The following PLCG1 variants were observed in gnomAD, a reference collection of about 807,000 sequenced individuals.
PLCG1 encodes phospholipase C gamma 1, also known as 1-phosphatidylinositol 4,5-bisphosphate phosphodiesterase gamma-1.
PLCG1 carries 71 observed loss-of-function variants against 177.8 expected under a neutral mutation model. The ratio of observed to expected loss-of-function variants is 0.40; its 90% CI spans 0.33 to 0.49. The LOEUF (loss-of-function observed/expected upper bound fraction) is 0.49. Ranked by LOEUF, PLCG1 falls within the 20% of genes least tolerant of loss-of-function variation. PLCG1 has a pLI of 0.72. For missense variants in PLCG1, 1,281 were observed against 1,709.0 expected (o/e 0.75, Z 4.42); for synonymous variants, 658 against 647.9 (o/e 1.02, Z -0.24).
chr20:41,160,922 T>C lies in PLCG1; in HGVS notation c.512+769T>C, dbSNP rs1600656076. ...GGGACTAGCCCATTTGGAGGGAAGC[T>C]TGGGTTCAGTTCGAGGCATGTTAAG... is the stretch of plus-strand genomic sequence containing the variant. On this transcript the variant is annotated intron_variant, in intron 4 of 31. Transcript: ENST00000685551. The surrounding 1 kb of genome is among the most constrained non-coding windows in gnomAD (Gnocchi z 5.5). Among the ~76,000 whole-genome samples, 1 of 152,178 alleles carries C rather than the reference T, an allele frequency of 6.6e-6. No homozygotes were observed. Among genetic ancestry groups the C allele is most frequent in the East Asian group, 1.9e-4 (1 of 5,196 alleles).
chr20:41,147,204 G>A lies in PLCG1; in HGVS notation c.217+9346G>A, dbSNP rs1016977770. Among the ~76,000 whole-genome samples, 3 of 152,212 alleles carry A rather than the reference G, an allele frequency of 2.0e-5. No individual in the cohort carries two copies. Among genetic ancestry groups the A allele is most frequent in the African/African-American group, 7.2e-5 (3 of 41,450 alleles). ...TAGCTTGTCCATCCTAACTGGGACT[G>A]TGGCCTTTTCTTGGGCGTTCTTAGC... On this transcript the variant is annotated intron_variant, in intron 1 of 31. Coordinates refer to ENST00000685551, the MANE Select transcript of PLCG1 (RefSeq NM_002660.3). The surrounding 1 kb of genome is among the most constrained non-coding windows in gnomAD (Gnocchi z 4.0).
chr20:41,160,991 G>A lies in PLCG1; in HGVS notation c.512+838G>A, dbSNP rs1226556716. 6.6e-6 allele frequency among the ~76,000 whole-genome samples: 1 copy of A among 152,156 alleles called. No individual in the cohort carries two copies. The highest frequency in any genetic ancestry group is 1.5e-5 in the Non-Finnish European group (1 of 68,022). ...CTGTCCAGGGAGAGATGTTGAGTAG[G>A]CAGGTGGTTAGAGTGAGTTTAGGTA... On this transcript the variant is annotated intron_variant, in intron 4 of 31. Coordinates refer to ENST00000685551, the MANE Select transcript of PLCG1 (RefSeq NM_002660.3). This position sits in a 1 kb window ranked among gnomAD's most constrained non-coding sequence, Gnocchi z 5.5.
chr20:41,163,536 C>A lies in PLCG1; in HGVS notation c.891+57C>A. The stretch of plus-strand genomic sequence containing the variant: ...AGAGAATGAGTAGGGGTGACCAGGA[C>A]CCCACCCGGGCTCCAGGAGCTAGAC... On this transcript the variant is annotated intron_variant, in intron 9 of 31. Coordinates refer to ENST00000685551, the MANE Select transcript of PLCG1 (RefSeq NM_002660.3). The surrounding 1 kb of genome is among the most constrained non-coding windows in gnomAD (Gnocchi z 5.2). The A allele has an allele frequency of 7.6e-7, 1 of 1,311,990 alleles. No individual in the cohort carries two copies. Among genetic ancestry groups the A allele is most frequent in the Non-Finnish European group, 1.1e-6 (1 of 909,314 alleles). 81.3% of individuals were successfully genotyped at this position (1,311,990 alleles called of 1,614,324 possible).
intron 1 of PLCG1, among the ~76,000 whole-genome samples, chr20:41,155,930 T>C (rs1032382364): frequency 6.6e-6 from 1 of 152,170 alleles, no homozygotes; most frequent in Non-Finnish European, 1.5e-5. Context: ...AAGAGCTGTG[T>C]GGTTCTCCTC....
intron 1 of PLCG1, among the ~76,000 whole-genome samples, chr20:41,141,765 G>A (rs1389563942): frequency 6.6e-6 from 1 of 152,214 alleles, no homozygotes; most frequent in Non-Finnish European, 1.5e-5. Flanking sequence ...CCGCCCAGCT[G>A]GGATCCTCTG....
rs1228845454 is a variant in PLCG1 at position 41,148,508 on chromosome 20, A to G, written c.217+10650A>G. Among the ~76,000 whole-genome samples, 1 of 152,008 alleles carries G rather than the reference A, an allele frequency of 6.6e-6. No homozygotes were observed. The highest frequency in any genetic ancestry group is 2.4e-5 in the African/African-American group (1 of 41,364). On this transcript the variant is annotated intron_variant, in intron 1 of 31. Coordinates refer to ENST00000685551, the MANE Select transcript of PLCG1 (RefSeq NM_002660.3). This position sits in a 1 kb window ranked among gnomAD's most constrained non-coding sequence, Gnocchi z 4.3. ...GGGCAGCAGAGAGAGACTTGGAGAT[A>G]TGCTGGGCTGTGGTCAGGAGGGCCT...
chr20:41,137,589 C>G lies in PLCG1; in HGVS notation c.-53C>G. ...CCCAACCTCAGCCGCCGCCGTTGCG[C>G]TTGCTCCCGGGCGGTCCTGGCCTGT... On this transcript the variant is annotated 5_prime_UTR_variant, in exon 1 of 32. Transcript: ENST00000685551. The surrounding 1 kb of genome is among the most constrained non-coding windows in gnomAD (Gnocchi z 7.3). 1.7e-6 allele frequency: 2 copies of G among 1,145,438 alleles called. No individual in the cohort carries two copies. Among genetic ancestry groups the G allele is most frequent in the Non-Finnish European group, 2.2e-6 (2 of 898,722 alleles). 71.0% of individuals were successfully genotyped at this position (1,145,438 alleles called of 1,614,324 possible). A position where few individuals can be genotyped will look rare whatever the true frequency, so the allele number is the denominator to read the frequency against.
At chr20:41,145,891 C>G (rs970539124) in intron 1 of PLCG1, among the ~76,000 whole-genome samples, 13 of 152,166 alleles carry the variant, frequency 8.5e-5, no homozygotes, top group African/African-American at 3.1e-4. Context: ...AGACTAGTTC[C>G]TTTTGAGGTG....
At chr20:41,161,992 AG>A (rs1306018047) in intron 4 of PLCG1, among the ~76,000 whole-genome samples, 1 of 152,054 alleles carries the variant, frequency 6.6e-6, no homozygotes, top group Non-Finnish European at 1.5e-5. Flanking sequence ...CCAAACTCCC[AG>A]CATCCCAGTG....
rs1259471922 is a variant in PLCG1, at chr20:41,148,880, C to T, written c.218-10726C>T. On this transcript the variant is annotated intron_variant, in intron 1 of 31. Transcript: ENST00000685551. The surrounding 1 kb of genome is among the most constrained non-coding windows in gnomAD (Gnocchi z 4.3). ...ACGTCTAGGGTACAGGCAGTCTTGG[C>T]TTTGAAGTATTGTTGGCTTTGCCAC... Among the ~76,000 whole-genome samples, 5 of 152,122 alleles carry T rather than the reference C, an allele frequency of 3.3e-5. No homozygotes were observed. Among genetic ancestry groups the T allele is most frequent in the African/African-American group, 4.8e-5 (2 of 41,410 alleles).
chr20:41,162,343 G>T (rs1462646975), intron 4 of PLCG1, 109 bp from the exon 5 acceptor site: 7 of 688,782 alleles, frequency 1.0e-5, no homozygotes, highest in East Asian at 3.6e-5. Context: ...AGGCCTCCAG[G>T]TTCCCAGAAT....
rs1444047777 is a variant in PLCG1 at position 41,167,178 on chromosome 20, G to A, written c.2301+319G>A. On this transcript the variant is annotated intron_variant, in intron 19 of 31. Transcript: ENST00000685551. This position sits in a 1 kb window ranked among gnomAD's most constrained non-coding sequence, Gnocchi z 4.4. ...AAACTCATCCACCTGGGCTTGGCCT[G>A]GACTCTGTCCTAGGGCAGATGAGAT... 6.6e-6 allele frequency among the ~76,000 whole-genome samples: 1 copy of A among 152,154 alleles called. No individual in the cohort carries two copies. The highest frequency in any genetic ancestry group is 1.5e-5 in the Non-Finnish European group (1 of 68,012).
Position 41,137,995 on chromosome 20 carries a change from G to GC in PLCG1, c.217+142dup. 1.9e-6 allele frequency: 1 copy of GC among 535,306 alleles called. No homozygotes were observed. Among genetic ancestry groups the GC allele is most frequent in the Non-Finnish European group, 2.8e-6 (1 of 351,962 alleles). The allele number at this position is 535,306 out of a possible 1,614,324, so 33.2% of individuals were successfully genotyped here. A position where few individuals can be genotyped will look rare whatever the true frequency, so the allele number is the denominator to read the frequency against. ...CCCTCCCAGACTCCCTCCGGGCCCC[G>GC]CCCCCGCTTCGTCTCGGGTGGTCAC... On this transcript the variant is annotated intron_variant, in intron 1 of 31. Coordinates refer to ENST00000685551, the MANE Select transcript of PLCG1 (RefSeq NM_002660.3). This position sits in a 1 kb window ranked among gnomAD's most constrained non-coding sequence, Gnocchi z 7.3.
intron 1 of PLCG1, among the ~76,000 whole-genome samples, chr20:41,139,098 A>G (rs1426623130): frequency 1.3e-5 from 2 of 151,746 alleles, no homozygotes; most frequent in Non-Finnish European, 2.9e-5. Flanking sequence ...TAGATAGTTG[A>G]GGAGATTGGG....
chr20:41,168,958 C>T, intron 21 of PLCG1, 88 bp downstream of exon 21: 5 of 1,133,616 alleles, frequency 4.4e-6, no homozygotes, highest in Non-Finnish European at 6.7e-6. Flanking sequence ...TGCTTGTCTC[C>T]TGTGTGCACC....
intron 6 of PLCG1, 52 bp downstream of exon 6, chr20:41,162,777 A>C: frequency 1.4e-6 from 2 of 1,477,206 alleles, no homozygotes; most frequent in South Asian, 1.2e-5. Flanking sequence ...CTTCCACCCC[A>C]CACCCCAGCT....
chr20:41,168,837 T>C lies in PLCG1; in HGVS notation c.2450T>C (p.Ile817Thr). 1 of 1,612,128 alleles carries C rather than the reference T, an allele frequency of 6.2e-7. No individual in the cohort carries two copies. Among genetic ancestry groups the C allele is most frequent in the Non-Finnish European group, 8.5e-7 (1 of 1,179,152 alleles). The change falls in exon 21 of 32, where the codon ATC becomes ACC. Residue 817 changes from isoleucine (I) to threonine (T), a missense_variant. Coordinates refer to ENST00000685551, the MANE Select transcript of PLCG1 (RefSeq NM_002660.3). ...EDELTFIKSA[I>T]IQNVEKQEGG... The stretch of plus-strand genomic sequence containing the variant: ...GAGCTGACCTTCATCAAGAGCGCCA[T>C]CATCCAGAATGTGGAGAAGCAAGAG...
Position 41,163,040 on chromosome 20 carries a change from C to T in PLCG1, c.716+48C>T, listed in dbSNP as rs2146038469. Reference sequence around the variant, plus strand: ...GGGGTTTTCCCTGGGCCCCCTTCATCTCTCCACTGGGCGATTCTTGATCCA... The same window carrying T: ...GGGGTTTTCCCTGGGCCCCCTTCATTTCTCCACTGGGCGATTCTTGATCCA... On this transcript the variant is annotated intron_variant, in intron 7 of 31. Transcript: ENST00000685551. This position sits in a 1 kb window ranked among gnomAD's most constrained non-coding sequence, Gnocchi z 5.2. 6.3e-7 allele frequency: 1 copy of T among 1,585,094 alleles called. No homozygotes were observed. The highest frequency in any genetic ancestry group is 8.7e-7 in the Non-Finnish European group (1 of 1,153,540).
Position 41,150,378 on chromosome 20 carries a change from T to TG in PLCG1, c.218-9223dup, listed in dbSNP as rs1468789845. Among the ~76,000 whole-genome samples, 1 of 152,134 alleles carries TG rather than the reference T, an allele frequency of 6.6e-6. No individual in the cohort carries two copies. The highest frequency in any genetic ancestry group is 1.5e-5 in the Non-Finnish European group (1 of 68,010). ...CTCCAAGTAGCCTGAGTGTACTATG[T>TG]GGGGGAGCATTTTATGAGGGACTTT... On this transcript the variant is annotated intron_variant, in intron 1 of 31. Transcript: ENST00000685551. This position sits in a 1 kb window ranked among gnomAD's most constrained non-coding sequence, Gnocchi z 4.0.
Sources: gnomAD v4.1 joint callset for allele counts (sites outside exome capture counted in the v4.1 genomes callset) on GRCh38, gnomAD v4.1.1 for gene constraint, Gnocchi (gnomAD v3.1) non-coding constraint, MANE v1.5 for transcripts, NCBI Gene and HGNC (gene_info 2026-07-23, HGNC 2026-07-21) for gene names.